The following ADGRL3 variants were observed in gnomAD, a reference collection of about 807,000 sequenced individuals.
The protein encoded by ADGRL3 is calcium-independent alpha-latrotoxin receptor 3.
ADGRL3 carries 62 observed loss-of-function variants against 153.5 expected under a neutral mutation model. The observed-to-expected ratio is 0.40, with a 90% confidence interval of 0.33 to 0.50. ADGRL3 has a LOEUF of 0.50. Among genes scored for constraint, ADGRL3 ranks in the 20% least tolerant of loss-of-function variants. The pLI is 0.47. For missense variants in ADGRL3, 1,641 were observed against 1,859.4 expected (o/e 0.88, Z 2.16); for synonymous variants, 710 against 672.5 (o/e 1.06, Z -0.86).
chr4:61,451,739 T>C (rs1327246141), intron 2 of ADGRL3, among the ~76,000 whole-genome samples: 2 of 152,122 alleles, frequency 1.3e-5, no homozygotes, highest in African/African-American at 2.4e-5. Context: ...TGCATACATA[T>C]GTTTATACAA....
rs541296770 is a variant in ADGRL3 at position 61,619,660 on chromosome 4, T to C, written c.473+32220T>C. On this transcript the variant is annotated intron_variant, in intron 5 of 26. Coordinates refer to ENST00000683033, the MANE Select transcript of ADGRL3 (RefSeq NM_001387552.1). ...TTTTCCCTGGTGTTCGAAGTACTTCTAGCTAGTAATTGAAACTCATAAGGT... is the reference window on the plus strand; with the variant it reads ...TTTTCCCTGGTGTTCGAAGTACTTCCAGCTAGTAATTGAAACTCATAAGGT... 2.0e-5 allele frequency among the ~76,000 whole-genome samples: 3 copies of C among 152,310 alleles called. No individual in the cohort carries two copies. In the South Asian group the frequency reaches 6.2e-4, roughly 32 times the overall value.
In ADGRL3 at chr4:61,909,759, T is replaced by TTGTG. The variant is rs1553879258; in HGVS notation, c.2073+15_2073+16insGTGT. 6.5e-6 allele frequency: 7 copies of TTGTG among 1,073,392 alleles called. No homozygotes were observed. Among genetic ancestry groups the TTGTG allele is most frequent in the Non-Finnish European group, 8.9e-6 (7 of 789,924 alleles). The allele number at this position is 1,073,392 out of a possible 1,614,324, so 66.5% of individuals were successfully genotyped here. A position where few individuals can be genotyped will look rare whatever the true frequency, so the allele number is the denominator to read the frequency against. ...AGTTTGAACAAGGTAAGGACCCTAA[T>TTGTG]TATGTGTGTGTGTGTGTGTGTGTGT... On this transcript the variant is annotated intron_variant, in intron 12 of 26. Transcript: ENST00000683033.
chr4:61,557,905 A>C (rs550252565), intron 4 of ADGRL3, among the ~76,000 whole-genome samples: 9 of 151,870 alleles, frequency 5.9e-5, no homozygotes, highest in Admixed American at 3.3e-4. Flanking sequence ...TGCCTGGATA[A>C]GTATATTTAC....
At chr4:61,549,391 GTTC>G (rs2098730009) in intron 4 of ADGRL3, among the ~76,000 whole-genome samples, 1 of 151,994 alleles carries the variant, frequency 6.6e-6, no homozygotes, top group Non-Finnish European at 1.5e-5. Context: ...TCTTTGTCTT[GTTC>G]AGGATTTCAA....
At chr4:61,816,793 G>A (rs781299215) in intron 9 of ADGRL3, among the ~76,000 whole-genome samples, 2 of 152,080 alleles carry the variant, frequency 1.3e-5, no homozygotes, top group Non-Finnish European at 2.9e-5. Flanking sequence ...GCAGGGGCCA[G>A]GAACAGGCAC....
intron 23 of ADGRL3, among the ~76,000 whole-genome samples, chr4:62,036,029 T>G (rs535940783): frequency 6.6e-6 from 1 of 152,116 alleles, no homozygotes; most frequent in Non-Finnish European, 1.5e-5. Flanking sequence ...GCTCGATTTC[T>G]TTTTTTAAAA....
At chr4:61,869,321 G>T (rs1447022259) in intron 9 of ADGRL3, among the ~76,000 whole-genome samples, 1 of 152,090 alleles carries the variant, frequency 6.6e-6, no homozygotes, top group Non-Finnish European at 1.5e-5. Context: ...AAATGAGGCC[G>T]GGCGCGGTGG....
chr4:61,673,626 C>A (rs2095080991), intron 5 of ADGRL3, among the ~76,000 whole-genome samples: 1 of 151,172 alleles, frequency 6.6e-6, no homozygotes, highest in Non-Finnish European at 1.5e-5. Context: ...TTTTAACTCA[C>A]AGTAACTGAA....
intron 6 of ADGRL3, among the ~76,000 whole-genome samples, chr4:61,709,279 T>G (rs1051128753): frequency 1.3e-5 from 2 of 152,216 alleles, no homozygotes; most frequent in African/African-American, 4.8e-5. Context: ...ATTTGATAAT[T>G]TACTGCTTAT....
rs115336969 is a variant in ADGRL3 at position 61,576,050 on chromosome 4, T to G, written c.260-11177T>G. 5.7e-3 allele frequency among the ~76,000 whole-genome samples: 863 copies of G among 152,172 alleles called. 6 individuals are homozygous for G. Among genetic ancestry groups the G allele is most frequent in the African/African-American group, 0.02 (829 of 41,558 alleles). On this transcript the variant is annotated intron_variant, in intron 4 of 26. Transcript: ENST00000683033. ...TGGTAAAGCCTTTTCACCGGTTTCC[T>G]GTGATTTCTTTATGTGGTTTTTGAA...
chr4:61,570,634 A>T (rs1272898182), intron 4 of ADGRL3, among the ~76,000 whole-genome samples: 2 of 152,152 alleles, frequency 1.3e-5, no homozygotes, highest in Non-Finnish European at 2.9e-5. Context: ...GACAGTATGA[A>T]TTTGTGGTTT....
chr4:61,230,989 C>T (rs1490690415), intron 1 of ADGRL3, among the ~76,000 whole-genome samples: 6 of 152,132 alleles, frequency 3.9e-5, no homozygotes, highest in Non-Finnish European at 8.8e-5. Flanking sequence ...ACTTACTATG[C>T]TTATTTAAAA....
chr4:61,294,743 T>C (rs2094345194), intron 1 of ADGRL3, among the ~76,000 whole-genome samples: 1 of 152,108 alleles, frequency 6.6e-6, no homozygotes, highest in South Asian at 2.1e-4. Context: ...ATCTCATCAA[T>C]ATGGAAATAA....
At chr4:61,351,516 G>A (rs1382011581) in intron 1 of ADGRL3, among the ~76,000 whole-genome samples, 1 of 152,178 alleles carries the variant, frequency 6.6e-6, no homozygotes, top group Admixed American at 6.5e-5. Flanking sequence ...AAATTTCAGT[G>A]CCTGGCTTCA....
intron 1 of ADGRL3, among the ~76,000 whole-genome samples, chr4:61,276,215 C>A (rs1407409838): frequency 6.6e-6 from 1 of 152,076 alleles, no homozygotes; most frequent in Non-Finnish European, 1.5e-5. Flanking sequence ...ACATCCTCAA[C>A]AAAGAAGGCT....
chr4:61,583,758 C>T (rs569154706), intron 4 of ADGRL3: 41 of 517,860 alleles, frequency 7.9e-5, no homozygotes, highest in Non-Finnish European at 1.5e-5. Flanking sequence ...TAAAACTTTT[C>T]CAATTTATTC....
Position 61,947,201 on chromosome 4 carries a change from C to G in ADGRL3, c.2628+79C>G, listed in dbSNP as rs1371902501. The G allele has an allele frequency of 2.6e-6, 3 of 1,160,634 alleles. No homozygotes were observed. The African/African-American group carries it at 4.7e-5, about 18-fold the overall frequency. The allele number at this position is 1,160,634 out of a possible 1,614,324, so 71.9% of individuals were successfully genotyped here. A position where few individuals can be genotyped will look rare whatever the true frequency, so the allele number is the denominator to read the frequency against. On this transcript the variant is annotated intron_variant, in intron 16 of 26. Transcript: ENST00000683033. Reference sequence around the variant, plus strand: ...ACTGAACATTAAGTGTATTAATTTTCTTTTAATGTTTTTTCTATTTGACAT... The same window carrying G: ...ACTGAACATTAAGTGTATTAATTTTGTTTTAATGTTTTTTCTATTTGACAT...
intron 1 of ADGRL3, among the ~76,000 whole-genome samples, chr4:61,329,384 C>T (rs1376791676): frequency 6.6e-6 from 1 of 152,148 alleles, no homozygotes; most frequent in Non-Finnish European, 1.5e-5. Context: ...AGAGATCAAA[C>T]CATCCTTTGT....
At chr4:62,013,757 G>T (rs1448839131) in intron 21 of ADGRL3, among the ~76,000 whole-genome samples, 1 of 151,590 alleles carries the variant, frequency 6.6e-6, no homozygotes, top group Non-Finnish European at 1.5e-5. Context: ...GCATGGTGGC[G>T]CATGCCTGTA....
Sources: allele counts gnomAD v4.1 joint callset (sites outside exome capture counted in the v4.1 genomes callset), GRCh38; gene constraint gnomAD v4.1.1; transcripts MANE v1.5; gene names NCBI Gene and HGNC (gene_info 2026-07-23, HGNC 2026-07-21).